The following IPO9 variants were observed in gnomAD, a reference collection of about 807,000 sequenced individuals.
IPO9 encodes the protein importin 9.
IPO9 carries 28 observed loss-of-function variants against 128.6 expected under a neutral mutation model. That is an observed-to-expected ratio of 0.22 (90% CI 0.16 to 0.30). IPO9 has a LOEUF of 0.30. IPO9 is among the 10% of genes least tolerant of loss of function. IPO9 has a pLI of 1.00. For synonymous variants in IPO9, 455 were observed against 475.8 expected (o/e 0.96, Z 0.57); for missense variants, 935 against 1,293.9 (o/e 0.72, Z 4.26).
chr1:201,873,115 A>G (rs1680688725), intron 20 of IPO9, among the ~76,000 whole-genome samples, 154 bp downstream of exon 20: 1 of 152,182 alleles, frequency 6.6e-6, no homozygotes, highest in Non-Finnish European at 1.5e-5. Flanking sequence ...GGTAAAAGGG[A>G]TCAGAACATA....
At position 201,866,934 on chromosome 1, in the gene IPO9, C is replaced by A. The variant is rs1476473938; in HGVS notation, c.1830C>A (p.Ile610=). The change falls in exon 15 of 24, where the codon ATC becomes ATA. Residue 610 remains isoleucine (I), a synonymous_variant. Coordinates refer to ENST00000361565, the MANE Select transcript of IPO9 (RefSeq NM_018085.5). ...SMESKICPFT[I]AIFLKYSNDP... is the part of the protein sequence containing the mutation. Reference sequence around the variant, plus strand: ...AAAGCAAAATCTGCCCCTTCACCATCGCCATTTTCCTAAAGTACAGTAATG... The same window carrying A: ...AAAGCAAAATCTGCCCCTTCACCATAGCCATTTTCCTAAAGTACAGTAATG... 4 of 1,614,028 alleles carry A rather than the reference C, an allele frequency of 2.5e-6. No homozygotes were observed. Among genetic ancestry groups the A allele is most frequent in the Non-Finnish European group, 3.4e-6 (4 of 1,179,924 alleles).
intron 2 of IPO9, 29 bp downstream of exon 2, chr1:201,847,369 T>G: frequency 1.3e-6 from 2 of 1,590,608 alleles, no homozygotes. Flanking sequence ...AATTTATAAA[T>G]AGTTTCCCTT....
At chr1:201,853,924 G>T (rs1680271276) in intron 6 of IPO9, among the ~76,000 whole-genome samples, 1 of 152,140 alleles carries the variant, frequency 6.6e-6, no homozygotes, top group Admixed American at 6.5e-5. Context: ...TTGCAGTAGA[G>T]ACAGGGTTTC....
At chr1:201,852,238 C>A in intron 5 of IPO9, 46 bp downstream of exon 5, 2 of 1,221,954 alleles carry the variant, frequency 1.6e-6, no homozygotes, top group Non-Finnish European at 2.4e-6. Context: ...AGGCTCTCTT[C>A]AGCCCCCAGC....
In IPO9 at chr1:201,880,423, A is replaced by G. The variant is rs1284375552; in HGVS notation, c.*4369A>G. 1 of 152,190 alleles carries G rather than the reference A, an allele frequency of 6.6e-6. No individual in the cohort carries two copies. Among genetic ancestry groups the G allele is most frequent in the Non-Finnish European group, 1.5e-5 (1 of 68,034 alleles). 9.4% of individuals were successfully genotyped at this position (152,190 alleles called of 1,614,324 possible). A position where few individuals can be genotyped will look rare whatever the true frequency, so the allele number is the denominator to read the frequency against. ...AGGAAGGCTAAGATGTAGAGGACAA[A>G]TCGTGTCAAGGAAAAGAAGCTTGAA... On this transcript the variant is annotated 3_prime_UTR_variant, in exon 24 of 24. Coordinates refer to ENST00000361565, the MANE Select transcript of IPO9 (RefSeq NM_018085.5).
chr1:201,846,896 T>C (rs1346480259), intron 1 of IPO9, among the ~76,000 whole-genome samples: 2 of 152,174 alleles, frequency 1.3e-5, no homozygotes, highest in African/African-American at 4.8e-5. Context: ...CTCAAACTCC[T>C]GACCTCAAGT....
In IPO9 at chr1:201,858,514, A is replaced by G. The variant is rs765244558; in HGVS notation, c.1289A>G (p.Gln430Arg). Reference sequence around the variant, plus strand: ...GCTGCTGCAGCCACTCGACATTTACAAGAAGCTGAGCAAACCAAAAACAGT... The same window carrying G: ...GCTGCTGCAGCCACTCGACATTTACGAGAAGCTGAGCAAACCAAAAACAGT... ...ALAAAATRHL[Q>R]EAEQTKNSGT... Residue 430 changes from glutamine to arginine, a missense_variant, in exon 12 of 24, where the codon CAA becomes CGA. Transcript: ENST00000361565. 3.8e-6 allele frequency: 6 copies of G among 1,593,640 alleles called. No homozygotes were observed. Among genetic ancestry groups the G allele is most frequent in the East Asian group, 2.2e-5 (1 of 44,654 alleles).
Position 201,863,427 on chromosome 1 carries a change from A to AT in IPO9, c.1469-19dup, listed in dbSNP as rs754139614. The stretch of plus-strand genomic sequence containing the variant: ...AGGAATTTTCATTTTCCAGCCCCTA[A>AT]TTGTTCTGTCTTTCTCCCAGTGTCT... On this transcript the variant is annotated intron_variant, in intron 13 of 23. Transcript: ENST00000361565. 2.5e-5 allele frequency: 39 copies of AT among 1,546,216 alleles called. No individual in the cohort carries two copies. The South Asian group carries it at 4.2e-4, about 17-fold the overall frequency.
At position 201,862,833 on chromosome 1, in the gene IPO9, G is replaced by T. The variant is rs190434622; in HGVS notation, c.1469-615G>T. On this transcript the variant is annotated intron_variant, in intron 13 of 23. Coordinates refer to ENST00000361565, the MANE Select transcript of IPO9 (RefSeq NM_018085.5). ...AAAAAAAAAAAAAAAAGATTAACTA[G>T]TAGTACAGGTAAGGAATAATGAGAG... Among the ~76,000 whole-genome samples the T allele has an allele frequency of 5.8e-4, 87 of 151,296 alleles. 1 individual carries two copies. The East Asian group carries it at 0.014, about 24-fold the overall frequency.
intron 20 of IPO9, among the ~76,000 whole-genome samples, chr1:201,873,439 C>G (rs533855619): frequency 1.7e-4 from 19 of 109,288 alleles, no homozygotes; most frequent in African/African-American, 6.6e-4. Context: ...AATGAGACTC[C>G]GTCTCAAAAA....
Position 201,882,431 on chromosome 1 carries a change from C to CAAAAAAAAAAAAAAAAAAA in IPO9, c.*6392_*6393insAAAAAAAAAAAAAAAAAAA. On this transcript the variant is annotated 3_prime_UTR_variant, in exon 24 of 24. Coordinates refer to ENST00000361565, the MANE Select transcript of IPO9 (RefSeq NM_018085.5). The stretch of plus-strand genomic sequence containing the variant: ...TGGGCGACAGAGCGACACTCTGCCT[C>CAAAAAAAAAAAAAAAAAAA]AAAAAAAAAAAAAAACAAAAAAAAA... 1 of 37,830 alleles carries CAAAAAAAAAAAAAAAAAAA rather than the reference C, an allele frequency of 2.6e-5. No individual in the cohort carries two copies. Among genetic ancestry groups the CAAAAAAAAAAAAAAAAAAA allele is most frequent in the Non-Finnish European group, 5.0e-5 (1 of 19,858 alleles). 2.3% of individuals were successfully genotyped at this position (37,830 alleles called of 1,614,324 possible).
intron 6 of IPO9, among the ~76,000 whole-genome samples, chr1:201,854,343 G>A (rs1175790644): frequency 6.6e-6 from 1 of 152,196 alleles, no homozygotes; most frequent in African/African-American, 2.4e-5. Context: ...CTGTGATTCA[G>A]AAGCAGTTAG....
At chr1:201,860,987 C>G (rs1259923589) in intron 13 of IPO9, among the ~76,000 whole-genome samples, 2 of 151,928 alleles carry the variant, frequency 1.3e-5, no homozygotes, top group Non-Finnish European at 2.9e-5. Flanking sequence ...CTAACATGGC[C>G]TAACCCCATC....
Position 201,847,270 on chromosome 1 carries a change from C to G in IPO9, c.164-9C>G. Reference sequence around the variant, plus strand: ...GTACTCTTAGACTCAATAAAATTTTCTCTTTCAGAATTTGGTGTTCACTTG... The same window carrying G: ...GTACTCTTAGACTCAATAAAATTTTGTCTTTCAGAATTTGGTGTTCACTTG... On this transcript the variant is annotated splice_polypyrimidine_tract_variant and intron_variant, in intron 1 of 23. Transcript: ENST00000361565. 1 of 1,612,238 alleles carries G rather than the reference C, an allele frequency of 6.2e-7. No individual in the cohort carries two copies. The highest frequency in any genetic ancestry group is 8.5e-7 in the Non-Finnish European group (1 of 1,178,316).
chr1:201,861,109 T>C (rs926585234), intron 13 of IPO9, among the ~76,000 whole-genome samples: 1 of 152,052 alleles, frequency 6.6e-6, no homozygotes, highest in African/African-American at 2.4e-5. Flanking sequence ...GAGGTTGCAG[T>C]GAGCCGAGAT....
intron 1 of IPO9, among the ~76,000 whole-genome samples, chr1:201,830,069 A>G (rs1196080173): frequency 6.6e-6 from 1 of 152,216 alleles, no homozygotes; most frequent in Non-Finnish European, 1.5e-5. Flanking sequence ...TGTGTGCTTT[A>G]AAGTGATGGA....
intron 1 of IPO9, among the ~76,000 whole-genome samples, chr1:201,830,642 C>T (rs571348270): frequency 6.6e-6 from 1 of 152,292 alleles, no homozygotes; most frequent in South Asian, 2.1e-4. Context: ...TTTTTAGCGG[C>T]TTCTAAATAA....
chr1:201,837,494 A>C (rs183145511), intron 1 of IPO9, among the ~76,000 whole-genome samples: 152 of 152,136 alleles, frequency 1.0e-3, no homozygotes, highest in African/African-American at 3.4e-3. Context: ...CCCTTTTGTG[A>C]GCTGTGAGCC....
chr1:201,841,686 T>C (rs1414733255), intron 1 of IPO9, among the ~76,000 whole-genome samples: 1 of 152,160 alleles, frequency 6.6e-6, no homozygotes, highest in East Asian at 1.9e-4. Flanking sequence ...GTATAGAATA[T>C]CTTGTGTATT....
Sources: allele counts gnomAD v4.1 joint callset (sites outside exome capture counted in the v4.1 genomes callset), GRCh38; gene constraint gnomAD v4.1.1; transcripts MANE v1.5; gene names NCBI Gene and HGNC (gene_info 2026-07-23, HGNC 2026-07-21).